Variants in GUCA1C observed in about 807,000 individuals in gnomAD.
GUCA1C encodes guanylate cyclase activator 1C.
A neutral mutation model predicts 16.2 loss-of-function variants in GUCA1C; 15 were observed. The observed-to-expected ratio is 0.93, with a 90% CI of 0.62 to 1.43. The LOEUF (loss-of-function observed/expected upper bound fraction) is 1.43. GUCA1C is among the 40% of genes most tolerant of loss of function. The pLI is 0.00. For missense variants in GUCA1C, 275 were observed against 244.8 expected (o/e 1.12, Z -0.82); for synonymous variants, 78 against 85.4 (o/e 0.91, Z 0.48).
intron 3 of GUCA1C, among the ~76,000 whole-genome samples, chr3:108,910,644 T>G (rs1462007964): frequency 1.3e-5 from 2 of 152,006 alleles, no homozygotes; most frequent in African/African-American, 4.8e-5. Flanking sequence ...ATTTCAATTT[T>G]TTTTTCTTCT....
At chr3:108,944,164 A>C (rs1271635598) in intron 1 of GUCA1C, among the ~76,000 whole-genome samples, 1 of 152,192 alleles carries the variant, frequency 6.6e-6, no homozygotes, top group Non-Finnish European at 1.5e-5. Flanking sequence ...CTCCTTTAGA[A>C]TATATATGGG....
intron 1 of GUCA1C, among the ~76,000 whole-genome samples, chr3:108,926,503 C>T (rs536837004): frequency 1.1e-4 from 17 of 152,210 alleles, no homozygotes; most frequent in Middle Eastern, 3.4e-3. Flanking sequence ...TTTTTTGAGA[C>T]GGAGTCTCGC....
chr3:108,933,903 C>T (rs2715684), intron 1 of GUCA1C, among the ~76,000 whole-genome samples: 38,203 of 152,060 alleles, frequency 0.25, 5,354 homozygotes, highest in Middle Eastern at 0.36. Flanking sequence ...CAGCACTATT[C>T]ACAATAGCAA....
intron 3 of GUCA1C, among the ~76,000 whole-genome samples, chr3:108,912,782 T>C (rs971914933): frequency 2.0e-4 from 30 of 152,134 alleles, no homozygotes; most frequent in African/African-American, 7.2e-4. Context: ...TGATTTAATC[T>C]TTTCTTTATT....
chr3:108,929,715 A>C (rs1946650633), intron 1 of GUCA1C, among the ~76,000 whole-genome samples: 2 of 152,124 alleles, frequency 1.3e-5, no homozygotes, highest in African/African-American at 4.8e-5. Context: ...GAACTTCTTC[A>C]ATGCCTTTCT....
At chr3:108,933,078 A>G (rs1026030671) in intron 1 of GUCA1C, among the ~76,000 whole-genome samples, 1 of 152,170 alleles carries the variant, frequency 6.6e-6, no homozygotes, top group Non-Finnish European at 1.5e-5. Context: ...CTGCTTCTCC[A>G]CATATGTCAT....
At chr3:108,918,724 T>C (rs4855678) in intron 2 of GUCA1C, among the ~76,000 whole-genome samples, 51,689 of 152,066 alleles carry the variant, frequency 0.34, 9,687 homozygotes, top group African/African-American at 0.46. Context: ...CTGAATTCCA[T>C]TTTAGCCTCT....
upstream of GUCA1C, among the ~76,000 whole-genome samples, chr3:108,954,396 T>C (rs1946929403): frequency 6.6e-6 from 1 of 152,218 alleles, no homozygotes; most frequent in Admixed American, 6.5e-5. Flanking sequence ...AGTAGTCAGA[T>C]AAAGGAACAT....
At chr3:108,922,242 G>A (rs1246949864) in intron 1 of GUCA1C, among the ~76,000 whole-genome samples, 1 of 151,734 alleles carries the variant, frequency 6.6e-6, no homozygotes, top group Non-Finnish European at 1.5e-5. Flanking sequence ...CTCATTGAAT[G>A]ACAGGCATTT....
At chr3:108,937,812 C>T (rs1489247134) in intron 1 of GUCA1C, among the ~76,000 whole-genome samples, 1 of 152,152 alleles carries the variant, frequency 6.6e-6, no homozygotes, top group African/African-American at 2.4e-5. Flanking sequence ...GTGGCTCAAG[C>T]CTGTAATCCC....
chr3:108,912,268 T>C (rs1324211104), intron 3 of GUCA1C, among the ~76,000 whole-genome samples: 1 of 151,918 alleles, frequency 6.6e-6, no homozygotes, highest in East Asian at 1.9e-4. Context: ...TGTGAACACC[T>C]ATAAATCTCC....
chr3:108,927,321 G>A (rs1403656054), intron 1 of GUCA1C, among the ~76,000 whole-genome samples: 1 of 151,472 alleles, frequency 6.6e-6, no homozygotes, highest in African/African-American at 2.4e-5. Context: ...CCTCAAATAT[G>A]TTTTCTAAAC....
chr3:108,908,256 A>C, intron 3 of GUCA1C, 47 bp from the exon 4 acceptor site: 1 of 1,208,122 alleles, frequency 8.3e-7, no homozygotes, highest in Non-Finnish European at 1.2e-6. Context: ...TATACCACTC[A>C]CTGGCACAAA....
intron 2 of GUCA1C, among the ~76,000 whole-genome samples, chr3:108,918,842 A>G (rs892520676): frequency 1.6e-4 from 24 of 152,148 alleles, no homozygotes; most frequent in African/African-American, 5.1e-4. Context: ...CAATTTCTCA[A>G]TAAGTATATA....
chr3:108,907,962 T>C lies in GUCA1C; in HGVS notation c.*60A>G. 1.6e-6 allele frequency: 2 copies of C among 1,243,268 alleles called. No individual in the cohort carries two copies. Among genetic ancestry groups the C allele is most frequent in the Non-Finnish European group, 2.3e-6 (2 of 874,416 alleles). The allele number at this position is 1,243,268 out of a possible 1,614,324, so 77.0% of individuals were successfully genotyped here. ...TCAACAGCATGTACATGGGGAAGAT[T>C]CTATTTCTTCTCTACTGAAATGTTG... On this transcript the variant is annotated 3_prime_UTR_variant, in exon 4 of 4. Transcript: ENST00000261047.
At chr3:108,927,920 T>A (rs950001822) in intron 1 of GUCA1C, among the ~76,000 whole-genome samples, 1 of 152,206 alleles carries the variant, frequency 6.6e-6, no homozygotes, top group African/African-American at 2.4e-5. Flanking sequence ...CTTGATGTGA[T>A]GTTCTCCCCC....
chr3:108,952,150 A>G (rs563868753), intron 1 of GUCA1C, among the ~76,000 whole-genome samples: 1 of 152,354 alleles, frequency 6.6e-6, no homozygotes, highest in African/African-American at 2.4e-5. Flanking sequence ...GGCTGCTTAT[A>G]GCAGCCATAC....
intron 3 of GUCA1C, among the ~76,000 whole-genome samples, chr3:108,915,037 C>G (rs1281846950): frequency 6.6e-6 from 1 of 152,210 alleles, no homozygotes; most frequent in Non-Finnish European, 1.5e-5. Context: ...GCAACTGATG[C>G]ATCTTCAAAT....
intron 1 of GUCA1C, among the ~76,000 whole-genome samples, chr3:108,928,667 T>G (rs1039028882): frequency 2.6e-5 from 4 of 152,236 alleles, no homozygotes; most frequent in African/African-American, 9.6e-5. Context: ...GGATGTTTCA[T>G]TGTTTCAGCA....
Sources: gnomAD v4.1 joint callset for allele counts (sites outside exome capture counted in the v4.1 genomes callset) on GRCh38, gnomAD v4.1.1 for gene constraint, MANE v1.5 for transcripts, NCBI Gene and HGNC (gene_info 2026-07-23, HGNC 2026-07-21) for gene names.